Variants in NXPH1 observed in about 807,000 individuals in gnomAD.
The protein encoded by NXPH1 is neurexophilin 1.
NXPH1 carries 5 observed loss-of-function variants against 23.7 expected under a neutral mutation model. The ratio of observed to expected loss-of-function variants is 0.21; its 90% CI spans 0.11 to 0.44. The LOEUF (loss-of-function observed/expected upper bound fraction) is 0.44. Ranked by LOEUF, NXPH1 falls within the 20% of genes least tolerant of loss-of-function variation. The probability of loss-of-function intolerance (pLI) is 0.99; values close to 1 mark genes in which losing one functional copy is unlikely to be tolerated. For missense variants in NXPH1, 324 were observed against 321.6 expected (o/e 1.01, Z -0.06); for synonymous variants, 144 against 122.2 (o/e 1.18, Z -1.18).
At chr7:8,492,099 G>A (rs1180683866) in intron 2 of NXPH1, among the ~76,000 whole-genome samples, 1 of 152,018 alleles carries the variant, frequency 6.6e-6, no homozygotes, top group Non-Finnish European at 1.5e-5. Flanking sequence ...GAAATATGTG[G>A]CCATTGGAGC....
intron 2 of NXPH1, among the ~76,000 whole-genome samples, chr7:8,504,200 C>T (rs762619556): frequency 3.3e-5 from 5 of 152,016 alleles, no homozygotes; most frequent in Admixed American, 6.6e-5. Context: ...CTCTAGAATG[C>T]TATATTTTTC....
intron 2 of NXPH1, among the ~76,000 whole-genome samples, chr7:8,505,845 C>G (rs184603061): frequency 6.6e-5 from 10 of 152,144 alleles, no homozygotes; most frequent in Admixed American, 6.6e-4. Context: ...GTGTTCTAAA[C>G]TTTGTTGTGC....
chr7:8,510,232 G>T (rs1165300351), intron 2 of NXPH1, among the ~76,000 whole-genome samples: 1 of 152,110 alleles, frequency 6.6e-6, no homozygotes, highest in African/African-American at 2.4e-5. Flanking sequence ...TTTCAACATT[G>T]AAATGACTGT....
intron 2 of NXPH1, among the ~76,000 whole-genome samples, chr7:8,515,747 A>G (rs1817676986): frequency 1.3e-5 from 2 of 152,122 alleles, no homozygotes; most frequent in South Asian, 4.1e-4. Flanking sequence ...TTCCTCATTC[A>G]ACAATTGGTA....
At chr7:8,546,280 A>G (rs1818196594) in intron 2 of NXPH1, among the ~76,000 whole-genome samples, 1 of 151,404 alleles carries the variant, frequency 6.6e-6, no homozygotes, top group Non-Finnish European at 1.5e-5. Flanking sequence ...ACAAAGGGAA[A>G]CTGAGTTCGG....
rs187719698 is a variant in NXPH1, at chr7:8,742,861, T to C, written c.55-8147T>C. On this transcript the variant is annotated intron_variant, in intron 2 of 2. Transcript: ENST00000405863. ...ATATATCCTGTGGAATAGTGAGAAG[T>C]AGCTTACCAGCAGTGATTTTGGACA... Among the ~76,000 whole-genome samples the C allele has an allele frequency of 2.1e-3, 323 of 152,318 alleles. 2 individuals are homozygous for C. The highest frequency in any genetic ancestry group is 7.6e-3 in the African/African-American group (314 of 41,572).
chr7:8,671,447 C>G (rs1173204090), intron 2 of NXPH1, among the ~76,000 whole-genome samples: 3 of 152,126 alleles, frequency 2.0e-5, no homozygotes, highest in African/African-American at 7.2e-5. Context: ...TACTGATGCT[C>G]TCCCTCAGTT....
chr7:8,719,442 C>T (rs1038962937), intron 2 of NXPH1, among the ~76,000 whole-genome samples: 3 of 150,600 alleles, frequency 2.0e-5, no homozygotes, highest in Non-Finnish European at 4.4e-5. Flanking sequence ...ATAGTACAAC[C>T]CTAGTGGGGA....
intron 2 of NXPH1, among the ~76,000 whole-genome samples, chr7:8,744,179 A>T (rs1009638195): frequency 7.2e-5 from 11 of 152,230 alleles, no homozygotes; most frequent in East Asian, 1.9e-4. Context: ...TCATATATTT[A>T]AAAATGCATA....
chr7:8,552,268 C>A (rs774459187), intron 2 of NXPH1, among the ~76,000 whole-genome samples: 5 of 151,326 alleles, frequency 3.3e-5, no homozygotes, highest in African/African-American at 4.8e-5. Context: ...ATGCAATTAT[C>A]CCAGCAATAA....
chr7:8,712,458 C>G (rs1033823948), intron 2 of NXPH1, among the ~76,000 whole-genome samples: 1 of 152,118 alleles, frequency 6.6e-6, no homozygotes. Context: ...AAAAGTCAGT[C>G]AATAGTGCCC....
chr7:8,498,079 G>A (rs1817368809), intron 2 of NXPH1, among the ~76,000 whole-genome samples: 1 of 152,064 alleles, frequency 6.6e-6, no homozygotes, highest in African/African-American at 2.4e-5. Flanking sequence ...CTTATTTTGT[G>A]AGAATATTGA....
Position 8,752,146 on chromosome 7 carries a change from CAG to C in NXPH1, c.*381_*382del, listed in dbSNP as rs1297600699. On this transcript the variant is annotated 3_prime_UTR_variant, in exon 3 of 3. Transcript: ENST00000405863. ...TCATCAAACGGAAGGATTAACTAGA[CAG>C]AGAATGTTTCTAACAGTTGCTGTTA... 5.4e-6 allele frequency: 1 copy of C among 186,822 alleles called. No individual in the cohort carries two copies. 11.6% of individuals were successfully genotyped at this position (186,822 alleles called of 1,614,324 possible).
chr7:8,721,563 C>G (rs941502124), intron 2 of NXPH1, among the ~76,000 whole-genome samples: 1 of 152,050 alleles, frequency 6.6e-6, no homozygotes, highest in Non-Finnish European at 1.5e-5. Flanking sequence ...ATCACGAGGT[C>G]AGGAGATCGA....
chr7:8,556,435 G>A (rs1818359847), intron 2 of NXPH1, among the ~76,000 whole-genome samples: 1 of 151,654 alleles, frequency 6.6e-6, no homozygotes, highest in African/African-American at 2.4e-5. Context: ...TTGTCTACTG[G>A]GAGTTCAGCT....
At chr7:8,607,043 C>A (rs528063018) in intron 2 of NXPH1, among the ~76,000 whole-genome samples, 28 of 152,004 alleles carry the variant, frequency 1.8e-4, no homozygotes, top group Non-Finnish European at 3.1e-4. Context: ...TTAGTTGGGG[C>A]TTTAATTCTA....
At chr7:8,746,616 A>G (rs1318737679) in intron 2 of NXPH1, among the ~76,000 whole-genome samples, 7 of 152,232 alleles carry the variant, frequency 4.6e-5, no homozygotes, top group Admixed American at 3.3e-4. Context: ...AATTCATGTT[A>G]CATTGTTTGG....
chr7:8,649,461 C>T (rs773779146), intron 2 of NXPH1, among the ~76,000 whole-genome samples: 1 of 152,158 alleles, frequency 6.6e-6, no homozygotes, highest in African/African-American at 2.4e-5. Context: ...TATACACACA[C>T]AATTATACTC....
intron 2 of NXPH1, among the ~76,000 whole-genome samples, chr7:8,710,733 G>A (rs1035826166): frequency 9.7e-6 from 1 of 102,734 alleles, no homozygotes; most frequent in Non-Finnish European, 1.7e-5. Context: ...CGCAATCTCG[G>A]CTCACTGCAA....
Sources: allele counts gnomAD v4.1 joint callset (sites outside exome capture counted in the v4.1 genomes callset), GRCh38; gene constraint gnomAD v4.1.1; transcripts MANE v1.5; gene names NCBI Gene and HGNC (gene_info 2026-07-23, HGNC 2026-07-21).